TRPV1: variants seen among roughly 807,000 people sequenced by gnomAD.
TRPV1 encodes the protein transient receptor potential cation channel subfamily V member 1, also known as OTRPC1.
A neutral mutation model predicts 82.3 loss-of-function variants in TRPV1; 82 were observed. The ratio of observed to expected loss-of-function variants is 1.00; its 90% CI spans 0.83 to 1.20. The LOEUF is 1.20. Ranked by LOEUF, TRPV1 falls within the 50% of genes most tolerant of loss-of-function variation. The pLI is 0.00. For synonymous variants in TRPV1, 515 were observed against 467.7 expected, an observed-to-expected ratio of 1.10 and a Z score of -1.30; for missense variants, 1,067 against 1,096.8, an observed-to-expected ratio of 0.97 and a Z score of 0.38.
In TRPV1 at chr17:3,588,329, G is replaced by A. The variant is rs200744718; in HGVS notation, c.1083C>T (p.Pro361=). 289 of 1,565,232 alleles carry A rather than the reference G, an allele frequency of 1.8e-4. 7 individuals carry two copies. The South Asian group carries it at 3.1e-3, about 17-fold the overall frequency. The change falls in exon 8 of 17, where the codon CCC becomes CCT. Residue 361 remains proline (P), a synonymous_variant. Transcript: ENST00000572705. ...AYILQREIQE[P]ECRHLSRKFT... ...ACTTCCTGGACAGGTGCCTGCACTC[G>A]GGCTCCTGGATCTCCCGCTGGAGAA...
In TRPV1 at chr17:3,577,598, CT is replaced by C; in HGVS notation, c.1712del (p.Lys571ArgfsTer2). The C allele has an allele frequency of 6.4e-7, 1 of 1,573,170 alleles. No individual in the cohort carries two copies. ...ACCCACTGGGGCCCAGGGAACCCACCTTCTCTATCATGACGGCATAGATGCC... is the reference window on the plus strand; with the variant it reads ...ACCCACTGGGGCCCAGGGAACCCACCTCTCTATCATGACGGCATAGATGCC... The part of the protein sequence containing the change: ...QMGIYAVMIE[K>X]MILRDLCRFM... On this transcript the variant is annotated frameshift_variant and splice_region_variant, in exon 12 of 17. Transcript: ENST00000572705. LOFTEE classifies it high-confidence loss of function.
chr17:3,580,490 G>A lies in TRPV1; in HGVS notation c.1514C>T (p.Thr505Ile), dbSNP rs1334327495. Residue 505 changes from threonine to isoleucine, a missense_variant, in exon 11 of 17, where the codon ACC (threonine) becomes ATC (isoleucine). Transcript: ENST00000572705. ...CTCACTGTAGCTGTCCACAAACAGG[G>A]TCTTCATCGACGGCCGCCTCTGCAG... ...YFLQRRPSMK[T>I]LFVDSYSEML... 6.2e-7 allele frequency: 1 copy of A among 1,613,920 alleles called. No individual in the cohort carries two copies. The highest frequency in any genetic ancestry group is 1.3e-5 in the African/African-American group (1 of 74,926).
At chr17:3,586,000 G>GCCCCTCACAGCCATGTGGCC (rs1426335718) in intron 8 of TRPV1, 74 bp from the exon 9 acceptor site, 2 of 1,567,262 alleles carry the variant, frequency 1.3e-6, no homozygotes, top group South Asian at 2.3e-5. Context: ...AGCCCGTGGT[G>GCCCCTCACAGCCATGTGGCC]CCCCTCACAG....
intron 16 of TRPV1, among the ~76,000 whole-genome samples, chr17:3,568,091 G>A (rs1369477665): frequency 1.3e-5 from 2 of 152,166 alleles, no homozygotes; most frequent in African/African-American, 4.8e-5. Context: ...GGGAGGCCGA[G>A]GCGGGCGGAT....
chr17:3,577,668 C>A lies in TRPV1; in HGVS notation c.1643G>T (p.Gly548Val), dbSNP rs780508943. The A allele has an allele frequency of 6.3e-7, 1 of 1,587,780 alleles. No individual in the cohort carries two copies. The highest frequency in any genetic ancestry group is 8.6e-7 in the Non-Finnish European group (1 of 1,167,410). The change falls in exon 12 of 17, where the codon GGC becomes GTC. Residue 548 changes from glycine (G) to valine (V), a missense_variant. Gly to Val is a moderately radical substitution (Grantham distance 109). Transcript: ENST00000572705. Reference protein sequence around the residue: ...VASMVFSLALGWTNMLYYTRG... With the variant: ...VASMVFSLALVWTNMLYYTRG... ...GGTGTAGTAGAGCATGTTGGTCCAG[C>A]CCAAGGCCAGGGAGAATACCATGGA...
intron 2 of TRPV1, among the ~76,000 whole-genome samples, chr17:3,606,180 C>T (rs550357664): frequency 7.2e-5 from 11 of 152,206 alleles, no homozygotes; most frequent in Admixed American, 4.6e-4. Flanking sequence ...AGGCCGGTCT[C>T]GGAACTCCTG....
chr17:3,591,001 C>G lies in TRPV1; in HGVS notation c.567G>C (p.Glu189Asp). 2 of 1,610,222 alleles carry G rather than the reference C, an allele frequency of 1.2e-6. No individual in the cohort carries two copies. Among genetic ancestry groups the G allele is most frequent in the Non-Finnish European group, 1.7e-6 (2 of 1,178,604 alleles). Residue 189 changes from glutamate to aspartate, a missense_variant, in exon 5 of 17, where the codon GAG (glutamate) becomes GAC (aspartate). By Grantham distance (45) the Glu-to-Asp change is conservative. Transcript: ENST00000572705. ...EIARQTDSLK[E>D]LVNASYTDSY... Reference sequence around the variant, plus strand: ...TGTCCGTGTAGCTGGCGTTGACAAGCTCCTTCAGGCTGTCCGTTTGCCGCG... The same window carrying G: ...TGTCCGTGTAGCTGGCGTTGACAAGGTCCTTCAGGCTGTCCGTTTGCCGCG...
At chr17:3,573,082 T>C (rs1269680424) in intron 14 of TRPV1, among the ~76,000 whole-genome samples, 1 of 151,588 alleles carries the variant, frequency 6.6e-6, no homozygotes, top group Non-Finnish European at 1.5e-5. Context: ...AGACACTTAG[T>C]ACAGTCCCTA....
chr17:3,584,160 C>A (rs1256225236), intron 9 of TRPV1, among the ~76,000 whole-genome samples: 1 of 151,986 alleles, frequency 6.6e-6, no homozygotes, highest in Non-Finnish European at 1.5e-5. Context: ...ATCCCAGCTA[C>A]TTGGGAGACA....
chr17:3,594,551 T>C (rs1293480506), intron 2 of TRPV1, among the ~76,000 whole-genome samples: 1 of 152,196 alleles, frequency 6.6e-6, no homozygotes, highest in East Asian at 1.9e-4. Flanking sequence ...GGCTGGCTAC[T>C]GGCCATCTCC....
intron 16 of TRPV1, among the ~76,000 whole-genome samples, chr17:3,570,777 G>A (rs1212512024): frequency 6.6e-6 from 1 of 151,988 alleles, no homozygotes; most frequent in Non-Finnish European, 1.5e-5. Flanking sequence ...GTAGTGGTGC[G>A]ATCTCGGCTC....
chr17:3,585,606 A>C (rs2075074011), intron 9 of TRPV1, 162 bp downstream of exon 9: 2 of 824,172 alleles, frequency 2.4e-6, no homozygotes. Flanking sequence ...AGATGGGCGC[A>C]GGGATACGAG....
chr17:3,596,718 C>T (rs913606602), intron 2 of TRPV1, among the ~76,000 whole-genome samples: 9 of 152,242 alleles, frequency 5.9e-5, no homozygotes, highest in Non-Finnish European at 1.2e-4. Flanking sequence ...CACAAGTTCG[C>T]TTCAGCCTCA....
Position 3,583,430 on chromosome 17 carries a change from G to A in TRPV1, c.1384C>T (p.Pro462Ser), listed in dbSNP as rs775203776. ...AAYYRPVDGL[P>S]PFKMEKTGDY... ...CCAGTTTTTTCCATCTTAAAGGGAG[G>A]CTGTGAGATGCAGAGAAGTTGGTAA... The change falls in exon 10 of 17, where the codon CCT becomes TCT. Residue 462 changes from proline to serine, a missense_variant and splice_region_variant. Physicochemically the swap from Pro to Ser is moderately conservative, Grantham distance 74. Transcript: ENST00000572705. The A allele has an allele frequency of 6.3e-6, 10 of 1,595,182 alleles. No homozygotes were observed. The highest frequency in any genetic ancestry group is 7.7e-6 in the Non-Finnish European group (9 of 1,169,718).
chr17:3,595,003 C>T (rs1383276195), intron 2 of TRPV1, among the ~76,000 whole-genome samples: 1 of 152,096 alleles, frequency 6.6e-6, no homozygotes, highest in East Asian at 1.9e-4. Context: ...AATTGAAAGC[C>T]AACATGGTTG....
At chr17:3,590,736 G>A (rs2150848202) in intron 5 of TRPV1, among the ~76,000 whole-genome samples, 1 of 152,254 alleles carries the variant, frequency 6.6e-6, no homozygotes, top group South Asian at 2.1e-4. Flanking sequence ...GACTTCTCAG[G>A]GTCAAGAGAG....
chr17:3,588,496 A>T, intron 7 of TRPV1, 129 bp from the exon 8 acceptor site: 2 of 999,080 alleles, frequency 2.0e-6, no homozygotes. Flanking sequence ...GTCCCCACCC[A>T]CTCCTGACCA....
intron 8 of TRPV1, among the ~76,000 whole-genome samples, chr17:3,587,946 G>A (rs1375245862): frequency 6.6e-6 from 1 of 152,178 alleles, no homozygotes; most frequent in African/African-American, 2.4e-5. Flanking sequence ...TATAAAAGGA[G>A]GGTCCTTTTG....
At position 3,590,359 on chromosome 17, in the gene TRPV1, C is replaced by G; in HGVS notation, c.638G>C (p.Arg213Pro). Reference sequence around the variant, plus strand: ...CAGGAGGGTCACCAGGGCCATGTTGCGTCTCTCGATGGCGATGTGCAGTGC... The same window carrying G: ...CAGGAGGGTCACCAGGGCCATGTTGGGTCTCTCGATGGCGATGTGCAGTGC... ...QTALHIAIER[R>P]NMALVTLLVE... is the part of the protein sequence containing the mutation. Residue 213 changes from arginine (R) to proline (P), a missense_variant, in exon 6 of 17, where the codon CGC becomes CCC. Arg to Pro is a moderately radical substitution (Grantham distance 103, BLOSUM62 -2). Transcript: ENST00000572705. The G allele has an allele frequency of 6.2e-7, 1 of 1,613,984 alleles. No individual in the cohort carries two copies. Among genetic ancestry groups the G allele is most frequent in the Non-Finnish European group, 8.5e-7 (1 of 1,179,890 alleles).
Sources: allele counts gnomAD v4.1 joint callset (sites outside exome capture counted in the v4.1 genomes callset), GRCh38; gene constraint gnomAD v4.1.1; transcripts MANE v1.5; gene names NCBI Gene and HGNC (gene_info 2026-07-23, HGNC 2026-07-21).